Variants in ARPC2 observed in about 807,000 individuals in gnomAD.
ARPC2 encodes the protein actin-related protein 2/3 complex subunit 2.
A neutral mutation model predicts 38.6 loss-of-function variants in ARPC2; 4 were observed. The observed-to-expected ratio is 0.10, with a 90% confidence interval of 0.05 to 0.24. ARPC2 has a LOEUF of 0.24. ARPC2 is among the 10% of genes least tolerant of loss of function. ARPC2 has a pLI of 1.00. For synonymous variants in ARPC2, 125 were observed against 140.8 expected, an observed-to-expected ratio of 0.89 and a Z score of 0.79; for missense variants, 229 against 387.3, an observed-to-expected ratio of 0.59 and a Z score of 3.43.
At chr2:218,246,167 A>C (rs575235664) in intron 8 of ARPC2, among the ~76,000 whole-genome samples, 2 of 151,376 alleles carry the variant, frequency 1.3e-5, no homozygotes, top group East Asian at 1.9e-4. Flanking sequence ...TAATGAGCTG[A>C]GATCGTGCCA....
In ARPC2 at chr2:218,245,710, G is replaced by T. The variant is rs577567556; in HGVS notation, c.676+164G>T. On this transcript the variant is annotated intron_variant, in intron 8 of 10. Transcript: ENST00000315717. ...GTGACTAAAGGAGGGATGTCACAGGGTATTAATTACAGAGCAGGCCATATG... is the reference window on the plus strand; with the variant it reads ...GTGACTAAAGGAGGGATGTCACAGGTTATTAATTACAGAGCAGGCCATATG... Among the ~76,000 whole-genome samples the T allele has an allele frequency of 3.3e-5, 5 of 152,288 alleles. No homozygotes were observed. The East Asian group carries it at 9.6e-4, about 29-fold the overall frequency.
intron 7 of ARPC2, among the ~76,000 whole-genome samples, chr2:218,240,934 A>G (rs1221432305): frequency 6.6e-6 from 1 of 151,916 alleles, no homozygotes; most frequent in African/African-American, 2.4e-5. Flanking sequence ...GGCATTTTGT[A>G]ATTGGATTTT....
intron 4 of ARPC2, among the ~76,000 whole-genome samples, chr2:218,232,487 C>T (rs1020227703): frequency 2.6e-5 from 4 of 150,950 alleles, no homozygotes; most frequent in Non-Finnish European, 4.4e-5. Context: ...CAAGGGCCTT[C>T]GTGCCCTTTC....
chr2:218,234,971 G>A, intron 5 of ARPC2: 1 of 418,188 alleles, frequency 2.4e-6, no homozygotes, highest in East Asian at 7.6e-5. Flanking sequence ...AAACTGAACA[G>A]CCTTTTTACC....
chr2:218,234,157 T>C, intron 4 of ARPC2, 195 bp from the exon 5 acceptor site: 1 of 504,982 alleles, frequency 2.0e-6, no homozygotes, highest in Non-Finnish European at 3.5e-6. Flanking sequence ...CATAAAAAGA[T>C]ACTCATCTCA....
chr2:218,238,953 G>C, intron 6 of ARPC2, 103 bp downstream of exon 6: 1 of 978,016 alleles, frequency 1.0e-6, no homozygotes. Context: ...TGTATTGCGT[G>C]AAAATGTTTT....
chr2:218,223,510 C>T (rs915446041), intron 2 of ARPC2, among the ~76,000 whole-genome samples: 3 of 152,324 alleles, frequency 2.0e-5, no homozygotes, highest in African/African-American at 4.8e-5. Context: ...TGCTACAGTT[C>T]AGTGCTATCC....
intron 2 of ARPC2, among the ~76,000 whole-genome samples, chr2:218,218,595 G>T (rs7578940): frequency 0.38 from 57,608 of 152,166 alleles, 11,963 homozygotes; most frequent in Middle Eastern, 0.52. Context: ...TTCACATCTG[G>T]GTTTCACAGT....
intron 7 of ARPC2, 139 bp from the exon 8 acceptor site, chr2:218,245,281 T>C: frequency 9.8e-7 from 1 of 1,020,100 alleles, no homozygotes; most frequent in Non-Finnish European, 1.4e-6. Context: ...ATATTTCAGG[T>C]TTGGTGTAGT....
chr2:218,228,617 C>A (rs1285275399), intron 3 of ARPC2, 121 bp from the exon 4 acceptor site: 2 of 531,362 alleles, frequency 3.8e-6, no homozygotes, highest in Non-Finnish European at 6.8e-6. Context: ...AAAATAAGTT[C>A]CATTTTACTT....
At chr2:218,220,163 G>A (rs1161807356) in intron 2 of ARPC2, among the ~76,000 whole-genome samples, 5 of 152,206 alleles carry the variant, frequency 3.3e-5, no homozygotes, top group Non-Finnish European at 5.9e-5. Flanking sequence ...ATTAAAGGGA[G>A]TAGTTTGGAG....
chr2:218,252,347 C>T (rs1196708081), intron 10 of ARPC2, among the ~76,000 whole-genome samples: 3 of 152,228 alleles, frequency 2.0e-5, no homozygotes, highest in Non-Finnish European at 2.9e-5. Flanking sequence ...TTTTCTGCAG[C>T]TTCTTGGGCA....
chr2:218,249,880 C>G lies in ARPC2; in HGVS notation c.837C>G (p.Arg279=), dbSNP rs373610971. 1.2e-6 allele frequency: 2 copies of G among 1,613,792 alleles called. No individual in the cohort carries two copies. The highest frequency in any genetic ancestry group is 2.2e-5 in the South Asian group (2 of 90,964). The change falls in exon 10 of 11, where the codon CGC becomes CGG. Residue 279 remains arginine, a synonymous_variant. Transcript: ENST00000315717. ...KTSDFLKVLN[R]ARPDAEKKEM... ...CTGACTTCCTCAAGGTGCTGAACCG[C>G]GCACGCCCAGATGCCGAGAAAAAAG...
rs554931419 is a variant in ARPC2 at position 218,252,223 on chromosome 2, CA to C, written c.879-1658del. On this transcript the variant is annotated intron_variant, in intron 10 of 10. Coordinates refer to ENST00000315717, the MANE Select transcript of ARPC2 (RefSeq NM_152862.3). ...GAGCAACAAGAGCGAAACTCCATCTCAAAAAAAAAAGCACTTTTTAAGTCAC... is the reference window on the plus strand; with the variant it reads ...GAGCAACAAGAGCGAAACTCCATCTCAAAAAAAAAGCACTTTTTAAGTCAC... Among the ~76,000 whole-genome samples, 591 of 147,318 alleles carry C rather than the reference CA, an allele frequency of 4.0e-3. 2 individuals are homozygous for C. The highest frequency in any genetic ancestry group is 6.0e-3 in the Non-Finnish European group (399 of 66,384).
At chr2:218,239,167 A>T in intron 6 of ARPC2, 1 of 585,036 alleles carries the variant, frequency 1.7e-6, no homozygotes, top group Non-Finnish European at 3.0e-6. Context: ...TATATTTACA[A>T]GTCAATAAAA....
chr2:218,229,049 A>G (rs1002599400), intron 4 of ARPC2, 199 bp downstream of exon 4: 8 of 435,476 alleles, frequency 1.8e-5, no homozygotes, highest in South Asian at 1.1e-4. Context: ...CTTTAAAACA[A>G]TGGAAACAAA....
chr2:218,237,500 A>G (rs902355415), intron 5 of ARPC2, among the ~76,000 whole-genome samples: 1 of 141,442 alleles, frequency 7.1e-6, no homozygotes, highest in African/African-American at 2.6e-5. Context: ...TGCCCAGACC[A>G]CCCTACCTGC....
intron 5 of ARPC2, chr2:218,236,772 A>G (rs554286882): frequency 6.8e-5 from 10 of 147,924 alleles, no homozygotes; most frequent in Admixed American, 4.1e-4. Flanking sequence ...AGCCTGGGCA[A>G]TAAGAGTAAA....
chr2:218,248,817 C>T (rs1690111007), intron 8 of ARPC2, among the ~76,000 whole-genome samples: 2 of 152,216 alleles, frequency 1.3e-5, no homozygotes, highest in Non-Finnish European at 2.9e-5. Flanking sequence ...CAGGCCCATT[C>T]AGAGCAGCTC....
Sources: gnomAD v4.1 joint callset for allele counts (sites outside exome capture counted in the v4.1 genomes callset) on GRCh38, gnomAD v4.1.1 for gene constraint, MANE v1.5 for transcripts, NCBI Gene and HGNC (gene_info 2026-07-23, HGNC 2026-07-21) for gene names.